The following CDK14 variants were observed in gnomAD, a reference collection of about 807,000 sequenced individuals.
The protein encoded by CDK14 is cyclin-dependent kinase 14.
Under a neutral mutation model 60.7 loss-of-function variants are expected in CDK14, and 34 were observed. The observed-to-expected ratio is 0.56, with a 90% CI of 0.43 to 0.75. The LOEUF (loss-of-function observed/expected upper bound fraction) is 0.75, where lower values mean the gene tolerates loss of function less well. Among genes scored for constraint, CDK14 ranks in the 30% least tolerant of loss-of-function variants. CDK14 has a pLI of 0.00. For synonymous variants in CDK14, 197 were observed against 203.7 expected (o/e 0.97, Z 0.28); for missense variants, 482 against 564.1 (o/e 0.85, Z 1.47).
intron 2 of CDK14, among the ~76,000 whole-genome samples, chr7:90,663,021 T>C (rs1429209407): frequency 6.6e-6 from 1 of 152,044 alleles, no homozygotes; most frequent in Non-Finnish European, 1.5e-5. Flanking sequence ...CACAAGTATT[T>C]TTTGTTGTTG....
chr7:90,861,250 G>C (rs1008150527), intron 5 of CDK14, among the ~76,000 whole-genome samples: 6 of 152,182 alleles, frequency 3.9e-5, no homozygotes, highest in African/African-American at 1.4e-4. Flanking sequence ...GAAGGGGTTT[G>C]GAGGACAATT....
chr7:90,810,403 C>A (rs992093484), intron 5 of CDK14, among the ~76,000 whole-genome samples: 1 of 152,136 alleles, frequency 6.6e-6, no homozygotes, highest in Non-Finnish European at 1.5e-5. Context: ...TGGAAAAGAC[C>A]TTTGACAAAA....
intron 5 of CDK14, among the ~76,000 whole-genome samples, chr7:90,820,929 C>A (rs1018794566): frequency 6.6e-6 from 1 of 152,206 alleles, no homozygotes; most frequent in African/African-American, 2.4e-5. Context: ...CTCAGGTTGT[C>A]TATGCCAGGG....
At chr7:91,052,881 G>A (rs1227695932) in intron 11 of CDK14, among the ~76,000 whole-genome samples, 1 of 152,168 alleles carries the variant, frequency 6.6e-6, no homozygotes, top group African/African-American at 2.4e-5. Context: ...TTTGCCATTG[G>A]AGGCAATTGG....
At chr7:91,202,577 C>A (rs1243465026) in intron 14 of CDK14, among the ~76,000 whole-genome samples, 1 of 152,184 alleles carries the variant, frequency 6.6e-6, no homozygotes, top group Middle Eastern at 3.2e-3. Flanking sequence ...TCATCAAATG[C>A]ATGATTGCAT....
At chr7:91,075,574 C>T (rs902827384) in intron 11 of CDK14, among the ~76,000 whole-genome samples, 32 of 152,214 alleles carry the variant, frequency 2.1e-4, no homozygotes, top group African/African-American at 7.7e-4. Context: ...AGGATGCTCT[C>T]TCTCAACACT....
intron 11 of CDK14, among the ~76,000 whole-genome samples, chr7:91,060,436 T>C (rs979052124): frequency 1.3e-5 from 2 of 152,306 alleles, no homozygotes; most frequent in Admixed American, 6.5e-5. Flanking sequence ...AATTTGATCC[T>C]GTCATTATGA....
chr7:90,821,143 C>G (rs764157853), intron 5 of CDK14, among the ~76,000 whole-genome samples: 17 of 152,148 alleles, frequency 1.1e-4, no homozygotes, highest in Non-Finnish European at 2.1e-4. Context: ...CATTCTGCTG[C>G]TAGATTAGTC....
chr7:90,866,853 A>C (rs1791209942), intron 6 of CDK14, among the ~76,000 whole-genome samples: 2 of 152,188 alleles, frequency 1.3e-5, no homozygotes, highest in Non-Finnish European at 2.9e-5. Flanking sequence ...TTAGCGGCTA[A>C]TAGGATATTG....
chr7:91,150,341 CAATT>C (rs1562972263), intron 14 of CDK14, among the ~76,000 whole-genome samples: 4 of 152,064 alleles, frequency 2.6e-5, no homozygotes, highest in African/African-American at 9.6e-5. Context: ...ATAGATTAAC[CAATT>C]AATTATCTAT....
intron 10 of CDK14, among the ~76,000 whole-genome samples, chr7:91,037,845 A>C (rs1796978544): frequency 6.6e-6 from 1 of 152,148 alleles, no homozygotes; most frequent in Admixed American, 6.5e-5. Context: ...GACCCATCTT[A>C]TTTAGTTTTT....
intron 5 of CDK14, among the ~76,000 whole-genome samples, chr7:90,849,447 T>C (rs1790571401): frequency 6.6e-6 from 1 of 152,048 alleles, no homozygotes; most frequent in Admixed American, 6.5e-5. Flanking sequence ...AATACACTTA[T>C]AATTGTTACT....
chr7:91,175,139 T>G (rs988484852), intron 14 of CDK14, among the ~76,000 whole-genome samples: 3 of 145,750 alleles, frequency 2.1e-5, no homozygotes, highest in African/African-American at 7.7e-5. Context: ...CAGAAGAGAG[T>G]GGGGGCCAAT....
intron 2 of CDK14, among the ~76,000 whole-genome samples, chr7:90,627,766 C>G (rs755919068): frequency 4.6e-5 from 7 of 152,144 alleles, no homozygotes; most frequent in African/African-American, 7.2e-5. Context: ...AGGCTGAATT[C>G]TTGACCAATA....
At position 90,917,338 on chromosome 7, in the gene CDK14, C is replaced by G. The variant is rs1793112596; in HGVS notation, c.703-263C>G. Among the ~76,000 whole-genome samples, 3 of 152,016 alleles carry G rather than the reference C, an allele frequency of 2.0e-5. No individual in the cohort carries two copies. The South Asian group carries it at 6.2e-4, about 32-fold the overall frequency. On this transcript the variant is annotated intron_variant, in intron 7 of 14. Coordinates refer to ENST00000380050, the MANE Select transcript of CDK14 (RefSeq NM_001287135.2). ...TTATTTACATTTTGCTTAAAGAACG[C>G]TAATTGGAGTACAGATCTCTCTGGC...
intron 4 of CDK14, among the ~76,000 whole-genome samples, chr7:90,788,434 A>T (rs1482322629): frequency 2.6e-5 from 4 of 152,200 alleles, no homozygotes; most frequent in Non-Finnish European, 5.9e-5. Context: ...TAGAGCACAA[A>T]CAGGATTAGA....
At chr7:91,093,077 A>G (rs1057291722) in intron 12 of CDK14, among the ~76,000 whole-genome samples, 8 of 152,212 alleles carry the variant, frequency 5.3e-5, no homozygotes, top group Non-Finnish European at 7.4e-5. Flanking sequence ...AAGACTTTGC[A>G]GTATTTTCTC....
At chr7:90,880,149 A>G (rs1021068385) in intron 6 of CDK14, among the ~76,000 whole-genome samples, 2 of 152,184 alleles carry the variant, frequency 1.3e-5, no homozygotes, top group African/African-American at 4.8e-5. Context: ...TGGGGGAGGG[A>G]CAGCAGCCAG....
At chr7:91,058,181 G>A (rs1346586334) in intron 11 of CDK14, among the ~76,000 whole-genome samples, 1 of 152,084 alleles carries the variant, frequency 6.6e-6, no homozygotes, top group Admixed American at 6.5e-5. Flanking sequence ...GTGAATGGGA[G>A]TTCACTCATG....
Sources: gnomAD v4.1 joint callset for allele counts (sites outside exome capture counted in the v4.1 genomes callset) on GRCh38, gnomAD v4.1.1 for gene constraint, MANE v1.5 for transcripts, NCBI Gene and HGNC (gene_info 2026-07-23, HGNC 2026-07-21) for gene names.